Variants in CHD5 observed in about 807,000 individuals in gnomAD.
CHD5 encodes chromodomain helicase DNA binding protein 5, also known as ATP-dependent chromatin remodeler CHD5.
A neutral mutation model predicts 230.3 loss-of-function variants in CHD5; 69 were observed. That is an observed-to-expected ratio of 0.30 (90% CI 0.25 to 0.37). The LOEUF is 0.37. CHD5 is among the 10% of genes least tolerant of loss of function. CHD5 has a pLI of 1.00. For missense variants in CHD5, 1,827 were observed against 2,622.8 expected, an observed-to-expected ratio of 0.70 and a Z score of 6.63; for synonymous variants, 1,064 against 1,065.9, an observed-to-expected ratio of 1.00 and a Z score of 0.03.
chr1:6,108,292 G>A (rs1430186787), intron 38 of CHD5, among the ~76,000 whole-genome samples: 1 of 147,262 alleles, frequency 6.8e-6, no homozygotes, highest in Non-Finnish European at 1.5e-5. Flanking sequence ...ATGATGGAGA[G>A]ATGATAGAGG....
At chr1:6,107,548 T>C (rs1353478906) in intron 38 of CHD5, among the ~76,000 whole-genome samples, 1 of 112,480 alleles carries the variant, frequency 8.9e-6, no homozygotes, top group Non-Finnish European at 1.8e-5. Context: ...GATGGAGGGA[T>C]AATGAAGGGA....
At chr1:6,114,505 T>C (rs555624400) in intron 33 of CHD5, among the ~76,000 whole-genome samples, 65 of 126,876 alleles carry the variant, frequency 5.1e-4, no homozygotes, top group Non-Finnish European at 8.7e-4. Context: ...TATATACACA[T>C]AAACACACAC....
chr1:6,136,452 G>C, intron 17 of CHD5, 65 bp downstream of exon 17: 1 of 1,582,848 alleles, frequency 6.3e-7, no homozygotes, highest in Non-Finnish European at 8.6e-7. Flanking sequence ...ATGGGCTATT[G>C]ATCCGTCTTC....
Position 6,142,066 on chromosome 1 carries a change from C to T in CHD5, c.2436+62G>A, listed in dbSNP as rs969131398. The T allele has an allele frequency of 1.0e-5, 15 of 1,467,394 alleles. No homozygotes were observed. The highest frequency in any genetic ancestry group is 8.3e-5 in the African/African-American group (6 of 72,226). The allele number at this position is 1,467,394 out of a possible 1,614,324, so 90.9% of individuals were successfully genotyped here. A position where few individuals can be genotyped will look rare whatever the true frequency, so the allele number is the denominator to read the frequency against. On this transcript the variant is annotated intron_variant, in intron 15 of 41. Transcript: ENST00000262450. This position sits in a 1 kb window ranked among gnomAD's most constrained non-coding sequence, Gnocchi z 5.2. ...GGACCCCAAAGGAGTGCACGGCACC[C>T]GTGGTCCCTGAACTAGACCGGGGGC...
Position 6,134,966 on chromosome 1 carries a change from G to T in CHD5, c.2871-107C>A, listed in dbSNP as rs1221269094. ...GCTGGTGGCCAAGCACCCATTTACA[G>T]AGAGACCCAAGGGACCCCCAAGAGG... On this transcript the variant is annotated intron_variant, in intron 18 of 41. Transcript: ENST00000262450. The surrounding 1 kb of genome is among the most constrained non-coding windows in gnomAD (Gnocchi z 6.3). 10 of 1,423,158 alleles carry T rather than the reference G, an allele frequency of 7.0e-6. No homozygotes were observed. Among genetic ancestry groups the T allele is most frequent in the Admixed American group, 1.8e-5 (1 of 54,798 alleles). The allele number at this position is 1,423,158 out of a possible 1,614,324, so 88.2% of individuals were successfully genotyped here.
At chr1:6,109,354 G>A (rs1666248685) in intron 38 of CHD5, among the ~76,000 whole-genome samples, 1 of 152,200 alleles carries the variant, frequency 6.6e-6, no homozygotes, top group Non-Finnish European at 1.5e-5. Flanking sequence ...GTGACCACAG[G>A]CAGAGATGTG....
rs1324161057 is a variant in CHD5 at position 6,128,678 on chromosome 1, A to G, written c.3620-69T>C. 4 of 1,382,864 alleles carry G rather than the reference A, an allele frequency of 2.9e-6. No individual in the cohort carries two copies. The highest frequency in any genetic ancestry group is 4.1e-6 in the Non-Finnish European group (4 of 978,532). The allele number at this position is 1,382,864 out of a possible 1,614,324, so 85.7% of individuals were successfully genotyped here. On this transcript the variant is annotated intron_variant, in intron 23 of 41. Transcript: ENST00000262450. The surrounding 1 kb of genome is among the most constrained non-coding windows in gnomAD (Gnocchi z 7.8). Reference sequence around the variant, plus strand: ...GCTGCAGGGTTGGCGGGCAGTGCCCAGAGACACCACCCTGGGCTGTCCTAG... The same window carrying G: ...GCTGCAGGGTTGGCGGGCAGTGCCCGGAGACACCACCCTGGGCTGTCCTAG...
Position 6,167,489 on chromosome 1 carries a change from T to C in CHD5, c.207+661A>G, listed in dbSNP as rs1474300711. Among the ~76,000 whole-genome samples the C allele has an allele frequency of 1.3e-5, 2 of 152,130 alleles. No individual in the cohort carries two copies. Among genetic ancestry groups the C allele is most frequent in the Non-Finnish European group, 2.9e-5 (2 of 68,016 alleles). On this transcript the variant is annotated intron_variant, in intron 2 of 41. Coordinates refer to ENST00000262450, the MANE Select transcript of CHD5 (RefSeq NM_015557.3). This position sits in a 1 kb window ranked among gnomAD's most constrained non-coding sequence, Gnocchi z 4.5. ...ACTTTAAGCTGCAAACCCACCTCAG[T>C]TTCCCCATCTGCCAACCAGCGATCA...
intron 1 of CHD5, among the ~76,000 whole-genome samples, chr1:6,171,690 C>G (rs1667341468): frequency 6.6e-6 from 1 of 152,250 alleles, no homozygotes; most frequent in Admixed American, 6.5e-5. Context: ...GCCCACCAGT[C>G]CCTCCTCCCT....
chr1:6,131,689 C>T lies in CHD5; in HGVS notation c.3204G>A (p.Glu1068=). 1 of 1,613,922 alleles carries T rather than the reference C, an allele frequency of 6.2e-7. No individual in the cohort carries two copies. The highest frequency in any genetic ancestry group is 8.5e-7 in the Non-Finnish European group (1 of 1,179,814). The change falls in exon 21 of 42, where the codon GAG becomes GAA. Residue 1068 remains glutamate (E), a synonymous_variant. Transcript: ENST00000262450. The surrounding 1 kb of genome is among the most constrained non-coding windows in gnomAD (Gnocchi z 5.0). ...DFLEYEGYKY[E]RIDGGITGGL... ...CCCCGGTGATGCCACCATCAATCCG[C>T]TCATACTTGTAGCCTTCGTACTCCA...
chr1:6,123,809 G>A, intron 31 of CHD5, 139 bp downstream of exon 31: 1 of 549,764 alleles, frequency 1.8e-6, no homozygotes, highest in Non-Finnish European at 3.0e-6. Flanking sequence ...ACTCTCTGTA[G>A]AGTGACATTT....
At chr1:6,174,666 C>G (rs529097167) in intron 1 of CHD5, among the ~76,000 whole-genome samples, 1 of 117,218 alleles carries the variant, frequency 8.5e-6, no homozygotes, top group African/African-American at 3.5e-5. Context: ...GATGGATAGA[C>G]GGTGGGTGGA....
At position 6,129,149 on chromosome 1, in the gene CHD5, A is replaced by G; in HGVS notation, c.3388-80T>C. 4 of 948,714 alleles carry G rather than the reference A, an allele frequency of 4.2e-6. No homozygotes were observed. The highest frequency in any genetic ancestry group is 6.5e-6 in the Non-Finnish European group (4 of 613,540). 58.8% of individuals were successfully genotyped at this position (948,714 alleles called of 1,614,324 possible). On this transcript the variant is annotated intron_variant, in intron 22 of 41. Transcript: ENST00000262450. This position sits in a 1 kb window ranked among gnomAD's most constrained non-coding sequence, Gnocchi z 6.8. Reference sequence around the variant, plus strand: ...AGGAGATCACACCCATGAGCTCAAGAGCATGGAATGGGCTGCATGACTGTG... The same window carrying G: ...AGGAGATCACACCCATGAGCTCAAGGGCATGGAATGGGCTGCATGACTGTG...
At position 6,155,704 on chromosome 1, in the gene CHD5, G is replaced by A. The variant is rs1206177987; in HGVS notation, c.401C>T (p.Ser134Leu). The A allele has an allele frequency of 5.0e-6, 8 of 1,613,748 alleles. No individual in the cohort carries two copies. Among genetic ancestry groups the A allele is most frequent in the Admixed American group, 3.3e-5 (2 of 59,982 alleles). The stretch of plus-strand genomic sequence containing the variant: ...GCCCCACTCGGCCATGAGCTGCCCC[G>A]AGGACTTGGGCTCCTACAGAGACCC... ...DDGCLKEPKS[S>L]GQLMAEWGLD... Residue 134 changes from serine (S) to leucine (L), a missense_variant, in exon 4 of 42, where the codon TCG (serine) becomes TTG (leucine). By Grantham distance (145) the Ser-to-Leu change is moderately radical. This residue lies in a region of CHD5 where 657 missense variants were observed against 816.4 expected (regional missense o/e 0.80). Coordinates refer to ENST00000262450, the MANE Select transcript of CHD5 (RefSeq NM_015557.3). This position sits in a 1 kb window ranked among gnomAD's most constrained non-coding sequence, Gnocchi z 4.0.
At chr1:6,179,170 G>A (rs1041255482) in intron 1 of CHD5, among the ~76,000 whole-genome samples, 7 of 152,246 alleles carry the variant, frequency 4.6e-5, no homozygotes, top group Non-Finnish European at 5.9e-5. Context: ...AGATGGTAGG[G>A]GCAGGGGCGG....
Position 6,146,135 on chromosome 1 carries a change from C to T in CHD5, c.1802+77G>A. 2 of 1,435,400 alleles carry T rather than the reference C, an allele frequency of 1.4e-6. No homozygotes were observed. The highest frequency in any genetic ancestry group is 2.4e-5 in the South Asian group (2 of 81,736). 88.9% of individuals were successfully genotyped at this position (1,435,400 alleles called of 1,614,324 possible). On this transcript the variant is annotated intron_variant, in intron 11 of 41. Transcript: ENST00000262450. This position sits in a 1 kb window ranked among gnomAD's most constrained non-coding sequence, Gnocchi z 5.1. Reference sequence around the variant, plus strand: ...GCAAGGGCCCTGGCACCCTGCGCTGCACCCATTTTACAGGGCAAAGAAGCT... The same window carrying T: ...GCAAGGGCCCTGGCACCCTGCGCTGTACCCATTTTACAGGGCAAAGAAGCT...
chr1:6,123,185 GC>G (rs1666498065), intron 31 of CHD5, among the ~76,000 whole-genome samples: 1 of 152,174 alleles, frequency 6.6e-6, no homozygotes. Context: ...GAACCCCCAG[GC>G]TGAGTGACAG....
At position 6,155,805 on chromosome 1, in the gene CHD5, G is replaced by C. The variant is rs1326507338; in HGVS notation, c.388-88C>G. 1 of 995,808 alleles carries C rather than the reference G, an allele frequency of 1.0e-6. No individual in the cohort carries two copies. The highest frequency in any genetic ancestry group is 1.6e-6 in the Non-Finnish European group (1 of 638,492). 61.7% of individuals were successfully genotyped at this position (995,808 alleles called of 1,614,324 possible). Reference sequence around the variant, plus strand: ...CAGGGTCTCTGCCTAGGAGGCTTTGGCACAGGGGAAAGAGGAGGGGTTGTG... The same window carrying C: ...CAGGGTCTCTGCCTAGGAGGCTTTGCCACAGGGGAAAGAGGAGGGGTTGTG... On this transcript the variant is annotated intron_variant, in intron 3 of 41. Transcript: ENST00000262450. This position sits in a 1 kb window ranked among gnomAD's most constrained non-coding sequence, Gnocchi z 4.0.
Position 6,128,720 on chromosome 1 carries a change from G to C in CHD5, c.3620-111C>G. 3 of 1,247,064 alleles carry C rather than the reference G, an allele frequency of 2.4e-6. No homozygotes were observed. The highest frequency in any genetic ancestry group is 3.5e-6 in the Non-Finnish European group (3 of 867,862). 77.2% of individuals were successfully genotyped at this position (1,247,064 alleles called of 1,614,324 possible). ...CTGTCCTAGCCAGGAGATACAGGTG[G>C]GGGGTGCAGAAGAGAGGCTGTGTGT... On this transcript the variant is annotated intron_variant, in intron 23 of 41. Coordinates refer to ENST00000262450, the MANE Select transcript of CHD5 (RefSeq NM_015557.3). The surrounding 1 kb of genome is among the most constrained non-coding windows in gnomAD (Gnocchi z 7.8).
Sources: gnomAD v4.1 joint callset for allele counts (sites outside exome capture counted in the v4.1 genomes callset) on GRCh38, gnomAD v4.1.1 for gene constraint, gnomAD v4.1.1 regional missense constraint, Gnocchi (gnomAD v3.1) non-coding constraint, MANE v1.5 for transcripts, NCBI Gene and HGNC (gene_info 2026-07-23, HGNC 2026-07-21) for gene names.